Variants in HABP2 observed in about 807,000 individuals in gnomAD.
HABP2 encodes factor VII-activating protease.
HABP2 carries 65 observed loss-of-function variants against 66.5 expected under a neutral mutation model. That is an observed-to-expected ratio of 0.98 (90% CI 0.80 to 1.20). HABP2 has a LOEUF of 1.20. Ranked by LOEUF, HABP2 falls within the 50% of genes most tolerant of loss-of-function variation. The probability of loss-of-function intolerance (pLI) is 0.00; values close to 1 mark genes in which losing one functional copy is unlikely to be tolerated. For synonymous variants in HABP2, 263 were observed against 253.9 expected (o/e 1.04, Z -0.34); for missense variants, 786 against 691.0 (o/e 1.14, Z -1.54).
chr10:113,565,071 C>G (rs909777163), intron 1 of HABP2, among the ~76,000 whole-genome samples: 5 of 152,144 alleles, frequency 3.3e-5, no homozygotes, highest in African/African-American at 4.8e-5. Flanking sequence ...GTCTTGATCT[C>G]CTGACCTTGT....
chr10:113,580,363 C>T lies in HABP2; in HGVS notation c.741-232C>T, dbSNP rs143126866. On this transcript the variant is annotated intron_variant, in intron 7 of 12. Coordinates refer to ENST00000351270, the MANE Select transcript of HABP2 (RefSeq NM_004132.5). The stretch of plus-strand genomic sequence containing the variant: ...TATGTCCTGTGGATCTGGCATGAGA[C>T]TTGGGACCGCTTTCTTGTCCTTGAG... Among the ~76,000 whole-genome samples the T allele has an allele frequency of 2.6e-4, 39 of 152,266 alleles. No individual in the cohort carries two copies. In the East Asian group the frequency reaches 6.6e-3, roughly 26 times the overall value.
At chr10:113,572,691 C>A (rs549162761) in intron 2 of HABP2, 13 of 455,344 alleles carry the variant, frequency 2.9e-5, no homozygotes, top group African/African-American at 1.4e-4. Context: ...TCCAGGAAGA[C>A]AATGGCCTTA....
At chr10:113,556,760 G>T (rs1845001789) in intron 1 of HABP2, among the ~76,000 whole-genome samples, 1 of 147,958 alleles carries the variant, frequency 6.8e-6, no homozygotes, top group Non-Finnish European at 1.5e-5. Context: ...AGAAGCTTGA[G>T]TTTCCCAGAT....
chr10:113,564,431 C>T (rs1349445600), intron 1 of HABP2, among the ~76,000 whole-genome samples: 1 of 152,072 alleles, frequency 6.6e-6, no homozygotes, highest in African/African-American at 2.4e-5. Flanking sequence ...CCAGGAGCAC[C>T]CCTAAGGCCT....
intron 1 of HABP2, among the ~76,000 whole-genome samples, chr10:113,556,237 T>C (rs1844988646): frequency 6.6e-6 from 1 of 152,218 alleles, no homozygotes; most frequent in Non-Finnish European, 1.5e-5. Context: ...GGATAGAAGA[T>C]TGACTCCAAG....
At position 113,578,796 on chromosome 10, in the gene HABP2, C is replaced by T. The variant is rs769585478; in HGVS notation, c.738C>T (p.Cys246=). 3.1e-6 allele frequency: 5 copies of T among 1,599,480 alleles called. No homozygotes were observed. The highest frequency in any genetic ancestry group is 4.3e-6 in the Non-Finnish European group (5 of 1,167,250). ...ATGGGATTGGGGAACACAATTTCTG[C>T]AGGTAACATTTACCTTATTTATGCT... ...ETHGIGEHNF[C]RNPDADEKPW... The change falls in exon 7 of 13, where the codon TGC becomes TGT. Residue 246 remains cysteine, a splice_region_variant and synonymous_variant. Transcript: ENST00000351270.
rs1161772232 is a variant in HABP2 at position 113,588,840 on chromosome 10, G to GTTA, written c.*477_*479dup. ...ACAACATTCTCCATCTGCTTTCAGA[G>GTTA]TTATTATTTTAATAAAGGAAGATCT... On this transcript the variant is annotated 3_prime_UTR_variant, in exon 13 of 13. Transcript: ENST00000351270. 4.3e-6 allele frequency: 3 copies of GTTA among 700,014 alleles called. No individual in the cohort carries two copies. Among genetic ancestry groups the GTTA allele is most frequent in the Admixed American group, 4.6e-5 (2 of 43,048 alleles). The allele number at this position is 700,014 out of a possible 1,614,324, so 43.4% of individuals were successfully genotyped here. A position where few individuals can be genotyped will look rare whatever the true frequency, so the allele number is the denominator to read the frequency against.
In HABP2 at chr10:113,557,598, G is replaced by A. The variant is rs568013073; in HGVS notation, c.69+4408G>A. ...AACGATCCCAGGAAAAATGGTTGGC[G>A]GGGAGGGGGTTGGTGCGCCATGCCT... On this transcript the variant is annotated intron_variant, in intron 1 of 12. Transcript: ENST00000351270. Among the ~76,000 whole-genome samples, 10 of 152,244 alleles carry A rather than the reference G, an allele frequency of 6.6e-5. 2 individuals carry two copies. Among genetic ancestry groups the A allele is most frequent in the African/African-American group, 2.4e-4 (10 of 41,550 alleles).
rs749899374 is a variant in HABP2 at position 113,581,979 on chromosome 10, C to G, written c.942C>G (p.Ile314Met). The change falls in exon 9 of 13, where the codon ATC (isoleucine) becomes ATG (methionine). Residue 314 changes from isoleucine to methionine, a missense_variant. Coordinates refer to ENST00000351270, the MANE Select transcript of HABP2 (RefSeq NM_004132.5). The part of the protein sequence containing the change: ...TEIAERKIKR[I>M]YGGFKSTAGK... The stretch of plus-strand genomic sequence containing the variant: ...TAGCAGAGAGGAAGATCAAGAGAAT[C>G]TATGGAGGCTTTAAGAGCACGGCGG... 7.4e-6 allele frequency: 12 copies of G among 1,614,070 alleles called. No individual in the cohort carries two copies. The Admixed American group carries it at 8.3e-5, about 11-fold the overall frequency.
chr10:113,584,695 A>C (rs550862448), intron 11 of HABP2, among the ~76,000 whole-genome samples: 5 of 152,330 alleles, frequency 3.3e-5, no homozygotes, highest in South Asian at 2.1e-4. Flanking sequence ...CGGGTTTGCA[A>C]GCATGATCAC....
chr10:113,563,688 G>C (rs764733275), intron 1 of HABP2, among the ~76,000 whole-genome samples: 1 of 152,192 alleles, frequency 6.6e-6, no homozygotes, highest in Non-Finnish European at 1.5e-5. Flanking sequence ...TCAGGCTCCA[G>C]CTGGAGCCAG....
chr10:113,567,422 C>T, intron 1 of HABP2, 67 bp from the exon 2 acceptor site: 13 of 1,219,620 alleles, frequency 1.1e-5, no homozygotes, highest in Admixed American at 1.7e-5. Flanking sequence ...CTCTGGCTGA[C>T]AGCTAAGGAG....
intron 2 of HABP2, 43 bp from the exon 3 acceptor site, chr10:113,574,246 T>C: frequency 2.1e-6 from 2 of 957,512 alleles, no homozygotes; most frequent in African/African-American, 1.6e-5. Context: ...CCTATTTGAG[T>C]GTAATGATTA....
intron 7 of HABP2, among the ~76,000 whole-genome samples, chr10:113,579,709 G>A (rs943307064): frequency 2.6e-5 from 4 of 152,130 alleles, no homozygotes; most frequent in Admixed American, 1.3e-4. Flanking sequence ...TTGCAGGTGA[G>A]GGGGTCTTTG....
intron 2 of HABP2, among the ~76,000 whole-genome samples, chr10:113,570,895 A>G (rs11575727): frequency 0.012 from 1,837 of 152,316 alleles, 48 homozygotes; most frequent in African/African-American, 0.042. Flanking sequence ...TCCTTTTAAG[A>G]AACTAACTAT....
At chr10:113,586,006 T>C (rs1274308872) in intron 12 of HABP2, 68 bp downstream of exon 12, 1 of 1,417,178 alleles carries the variant, frequency 7.1e-7, no homozygotes, top group African/African-American at 1.4e-5. Context: ...CAGAGGACCC[T>C]TAGAGCCCTG....
intron 1 of HABP2, among the ~76,000 whole-genome samples, chr10:113,553,617 G>C (rs1385723443): frequency 6.6e-6 from 1 of 152,262 alleles, no homozygotes; most frequent in Non-Finnish European, 1.5e-5. Flanking sequence ...AAGAAGCAAT[G>C]TGCTATGGCC....
At chr10:113,558,975 C>T (rs1405643858) in intron 1 of HABP2, among the ~76,000 whole-genome samples, 2 of 152,152 alleles carry the variant, frequency 1.3e-5, no homozygotes. Context: ...CTGACTCAGC[C>T]TCCTGAGTAG....
intron 11 of HABP2, among the ~76,000 whole-genome samples, chr10:113,585,002 T>C (rs887620324): frequency 6.6e-6 from 1 of 152,258 alleles, no homozygotes; most frequent in Non-Finnish European, 1.5e-5. Flanking sequence ...TATATTTCTC[T>C]TCCTTCGCAA....
Sources: allele counts gnomAD v4.1 joint callset (sites outside exome capture counted in the v4.1 genomes callset), GRCh38; gene constraint gnomAD v4.1.1; transcripts MANE v1.5; gene names NCBI Gene and HGNC (gene_info 2026-07-23, HGNC 2026-07-21).